The following ACTR3C variants were observed in gnomAD, a reference collection of about 807,000 sequenced individuals.
ACTR3C encodes the protein actin-related protein 3C.
Under a neutral mutation model 26.3 loss-of-function variants are expected in ACTR3C, and 18 were observed. That is an observed-to-expected ratio of 0.68 (90% CI 0.47 to 1.01). ACTR3C has a LOEUF of 1.01. Ranked by LOEUF, ACTR3C falls within the 50% of genes least tolerant of loss-of-function variation. ACTR3C has a pLI of 0.00. For synonymous variants in ACTR3C, 55 were observed against 94.5 expected (o/e 0.58, Z 2.42); for missense variants, 184 against 250.7 (o/e 0.73, Z 1.80).
In ACTR3C at chr7:150,274,827, CTT is replaced by C. The variant is rs1463577128; in HGVS notation, c.564+9924_564+9925del. Among the ~76,000 whole-genome samples, 1 of 152,228 alleles carries C rather than the reference CTT, an allele frequency of 6.6e-6. No individual in the cohort carries two copies. ...AATATGATCGATTCTAAAAAAAACA[CTT>C]AATTCAGAAAACAAAGTGATCCCTT... is the stretch of plus-strand genomic sequence containing the variant. On this transcript the variant is annotated intron_variant, in intron 6 of 7. Transcript: ENST00000683684. The surrounding 1 kb of genome is among the most constrained non-coding windows in gnomAD (Gnocchi z 4.1).
chr7:150,145,548 GGT>G, the ACTR3C span, among the ~76,000 whole-genome samples: 4 of 129,070 alleles, frequency 3.1e-5, no homozygotes, highest in Non-Finnish European at 6.4e-5. Context: ...GAAAAACCGA[GGT>G]GCTGATAAAG....
At chr7:150,033,374 G>A in the ACTR3C span, among the ~76,000 whole-genome samples, 2 of 152,166 alleles carry the variant, frequency 1.3e-5, no homozygotes, top group African/African-American at 2.4e-5. Context: ...GAGGCTTCCC[G>A]AGACTCATGA....
chr7:149,997,724 C>CT, the ACTR3C span, among the ~76,000 whole-genome samples: 4 of 149,294 alleles, frequency 2.7e-5, no homozygotes, highest in Non-Finnish European at 4.4e-5. Context: ...CATTTTTACT[C>CT]TCTGCAAAAT....
chr7:150,097,083 T>C, the ACTR3C span, among the ~76,000 whole-genome samples: 1 of 152,038 alleles, frequency 6.6e-6, no homozygotes, highest in Non-Finnish European at 1.5e-5. Flanking sequence ...TTATTAAAGA[T>C]GAAAATGCAT....
chr7:150,037,878 G>C, the ACTR3C span, among the ~76,000 whole-genome samples: 1 of 117,436 alleles, frequency 8.5e-6, no homozygotes, highest in Admixed American at 8.1e-5. Context: ...GGTCCTAAGA[G>C]CAAAGGGGGG....
intron 3 of ACTR3C, among the ~76,000 whole-genome samples, 185 bp downstream of exon 3, chr7:150,293,127 A>T (rs1836420340): frequency 6.6e-6 from 1 of 151,870 alleles, no homozygotes; most frequent in Non-Finnish European, 1.5e-5. Flanking sequence ...TCTTTCCCAC[A>T]TACTTGGGGA....
chr7:150,084,257 T>C, the ACTR3C span, among the ~76,000 whole-genome samples: 1 of 152,118 alleles, frequency 6.6e-6, no homozygotes, highest in Non-Finnish European at 1.5e-5. Context: ...AAAATAAACC[T>C]ACTTTAAAAA....
At chr7:150,048,098 C>T in the ACTR3C span, among the ~76,000 whole-genome samples, 6 of 152,136 alleles carry the variant, frequency 3.9e-5, no homozygotes, top group Non-Finnish European at 8.8e-5. Context: ...GGGGCTCTGG[C>T]TGTTCTTTCT....
chr7:150,098,337 T>C, the ACTR3C span, among the ~76,000 whole-genome samples: 4 of 151,664 alleles, frequency 2.6e-5, no homozygotes, highest in Admixed American at 6.6e-5. Flanking sequence ...GATCAGGCCT[T>C]GCTTTTAGTC....
intron 6 of ACTR3C, among the ~76,000 whole-genome samples, chr7:150,264,397 T>G (rs1182706688): frequency 6.6e-6 from 1 of 152,118 alleles, no homozygotes; most frequent in Non-Finnish European, 1.5e-5. Flanking sequence ...CTGGCAAGAT[T>G]TGGGATGGCC....
chr7:149,925,650 T>C, the ACTR3C span, among the ~76,000 whole-genome samples: 1 of 152,128 alleles, frequency 6.6e-6, no homozygotes, highest in East Asian at 1.9e-4. Flanking sequence ...AGGACAGCCA[T>C]AGCCACACAC....
chr7:150,240,555 C>CAT (rs1479322666), downstream of ACTR3C, among the ~76,000 whole-genome samples: 2 of 152,026 alleles, frequency 1.3e-5, no homozygotes, highest in African/African-American at 4.8e-5. Context: ...ACATTCTGCA[C>CAT]ATGTATCCTA....
At chr7:150,275,567 C>T (rs1584898364) in intron 6 of ACTR3C, among the ~76,000 whole-genome samples, 1 of 152,056 alleles carries the variant, frequency 6.6e-6, no homozygotes, top group Admixed American at 6.5e-5. Flanking sequence ...AAAAATCAGC[C>T]AGGCGTGGTG....
At chr7:149,884,598 A>G in the ACTR3C span, among the ~76,000 whole-genome samples, 23 of 152,262 alleles carry the variant, frequency 1.5e-4, 1 homozygote, top group Middle Eastern at 0.01. Flanking sequence ...TCAACTTAAA[A>G]AAAAAAAAGG....
intron 1 of ACTR3C, among the ~76,000 whole-genome samples, chr7:150,297,774 C>T (rs1307912496): frequency 2.7e-5 from 4 of 147,518 alleles, no homozygotes; most frequent in African/African-American, 5.2e-5. Context: ...ATTGCTTGAA[C>T]GTGGGAGGCG....
At chr7:150,090,420 G>C in the ACTR3C span, among the ~76,000 whole-genome samples, 1 of 152,224 alleles carries the variant, frequency 6.6e-6, no homozygotes, top group South Asian at 2.1e-4. Flanking sequence ...GCTGCATTCT[G>C]TTTCTGAAAG....
the ACTR3C span, among the ~76,000 whole-genome samples, chr7:150,196,519 C>T: frequency 2.0e-5 from 3 of 152,202 alleles, no homozygotes; most frequent in Non-Finnish European, 4.4e-5. Context: ...ATGCCTGTAA[C>T]ATAGTCATAG....
chr7:150,305,648 C>T (rs367713030), intron 1 of ACTR3C, among the ~76,000 whole-genome samples: 15 of 152,212 alleles, frequency 9.9e-5, no homozygotes, highest in East Asian at 9.6e-4. Context: ...TCAGTTTCCA[C>T]TCAAGAGCAC....
chr7:150,292,236 ATGG>A (rs1836327027), intron 3 of ACTR3C, among the ~76,000 whole-genome samples: 1 of 152,096 alleles, frequency 6.6e-6, no homozygotes, highest in South Asian at 2.1e-4. Flanking sequence ...GTAACTAGCA[ATGG>A]TGGTTCCTGA....
Sources: gnomAD v4.1 joint callset for allele counts (sites outside exome capture counted in the v4.1 genomes callset) on GRCh38, gnomAD v4.1.1 for gene constraint, Gnocchi (gnomAD v3.1) non-coding constraint, MANE v1.5 for transcripts, NCBI Gene and HGNC (gene_info 2026-07-23, HGNC 2026-07-21) for gene names.